Variants in NOL4 observed in about 807,000 individuals in gnomAD.
NOL4 encodes the protein cancer/testis antigen 125.
A neutral mutation model predicts 75.9 loss-of-function variants in NOL4; 17 were observed. That is an observed-to-expected ratio of 0.22 (90% CI 0.15 to 0.34). NOL4 has a LOEUF of 0.34. NOL4 is among the 10% of genes least tolerant of loss of function. The pLI, the probability that NOL4 is intolerant of heterozygous loss-of-function variation, is 1.00. For missense variants in NOL4, 614 were observed against 793.5 expected, an observed-to-expected ratio of 0.77 and a Z score of 2.72; for synonymous variants, 292 against 289.9, an observed-to-expected ratio of 1.01 and a Z score of -0.07.
chr18:34,070,390 C>T (rs1019904807), intron 5 of NOL4, among the ~76,000 whole-genome samples: 6 of 152,192 alleles, frequency 3.9e-5, no homozygotes, highest in African/African-American at 1.2e-4. Context: ...CAAATGAAAA[C>T]GTGATGGTGG....
At chr18:34,049,535 A>C (rs1421273976) in intron 5 of NOL4, among the ~76,000 whole-genome samples, 1 of 152,108 alleles carries the variant, frequency 6.6e-6, no homozygotes, top group East Asian at 1.9e-4. Context: ...TTGGAAGGAA[A>C]GATACAGGGC....
At chr18:33,861,267 A>C (rs2063110726) in intron 10 of NOL4, among the ~76,000 whole-genome samples, 1 of 151,642 alleles carries the variant, frequency 6.6e-6, no homozygotes, top group South Asian at 2.1e-4. Flanking sequence ...CTGGTCCTGG[A>C]CTCTTTTTGG....
intron 5 of NOL4, among the ~76,000 whole-genome samples, chr18:34,031,603 A>G (rs957937123): frequency 6.6e-6 from 1 of 152,202 alleles, no homozygotes; most frequent in African/African-American, 2.4e-5. Context: ...AGAAGAAACA[A>G]AATAGTGAGT....
intron 9 of NOL4, among the ~76,000 whole-genome samples, chr18:33,927,991 T>C (rs1378515336): frequency 6.6e-6 from 1 of 152,162 alleles, no homozygotes; most frequent in Non-Finnish European, 1.5e-5. Context: ...AATACACATA[T>C]ATTGTTGTTT....
intron 6 of NOL4, among the ~76,000 whole-genome samples, chr18:33,996,512 GA>G (rs984561568): frequency 6.6e-6 from 1 of 151,724 alleles, no homozygotes; most frequent in Non-Finnish European, 1.5e-5. Flanking sequence ...AAGTATGAAT[GA>G]ATCCATCACC....
At chr18:34,099,990 C>A (rs1293920382) in intron 4 of NOL4, among the ~76,000 whole-genome samples, 1 of 151,688 alleles carries the variant, frequency 6.6e-6, no homozygotes, top group African/African-American at 2.4e-5. Flanking sequence ...CTTCTCACAT[C>A]CTCTCCTCTT....
At chr18:33,962,599 A>G (rs2070239344) in intron 6 of NOL4, among the ~76,000 whole-genome samples, 2 of 152,206 alleles carry the variant, frequency 1.3e-5, no homozygotes, top group Admixed American at 6.6e-5. Context: ...GATCTCTGAC[A>G]TTAACAGTAA....
intron 1 of NOL4, among the ~76,000 whole-genome samples, chr18:34,216,516 T>C (rs2036898990): frequency 6.6e-6 from 1 of 151,698 alleles, no homozygotes; most frequent in African/African-American, 2.4e-5. Context: ...ACAAAACAGA[T>C]AATAAACATT....
intron 2 of NOL4, among the ~76,000 whole-genome samples, chr18:34,107,490 A>G (rs186360880): frequency 6.6e-6 from 1 of 152,064 alleles, no homozygotes; most frequent in Non-Finnish European, 1.5e-5. Flanking sequence ...TGGTGTTTAG[A>G]ATTCATGTTA....
intron 9 of NOL4, among the ~76,000 whole-genome samples, chr18:33,921,892 C>T (rs993118988): frequency 4.6e-5 from 7 of 152,154 alleles, no homozygotes; most frequent in African/African-American, 1.7e-4. Flanking sequence ...TCCTCCTACC[C>T]TACTCTTGTT....
At chr18:33,945,111 A>C (rs953736233) in intron 8 of NOL4, among the ~76,000 whole-genome samples, 2 of 151,942 alleles carry the variant, frequency 1.3e-5, no homozygotes, top group African/African-American at 4.8e-5. Flanking sequence ...TTATATCTTT[A>C]TAAAGTACAT....
At chr18:33,867,293 T>C (rs559206540) in intron 10 of NOL4, among the ~76,000 whole-genome samples, 1 of 152,260 alleles carries the variant, frequency 6.6e-6, no homozygotes, top group Admixed American at 6.6e-5. Context: ...AGATTAAACT[T>C]GTGTTCAAGT....
At chr18:33,890,519 A>G (rs538922317) in intron 9 of NOL4, among the ~76,000 whole-genome samples, 2 of 152,118 alleles carry the variant, frequency 1.3e-5, no homozygotes, top group Non-Finnish European at 2.9e-5. Flanking sequence ...AATTGGAAAA[A>G]ACTTTAAAAT....
At chr18:34,155,319 T>C (rs184871634) in intron 1 of NOL4, among the ~76,000 whole-genome samples, 138 of 151,848 alleles carry the variant, frequency 9.1e-4, no homozygotes, top group African/African-American at 3.1e-3. Context: ...GATAACTGAG[T>C]TGGAAAATTA....
chr18:33,929,558 G>A (rs116846781), intron 9 of NOL4, among the ~76,000 whole-genome samples: 2,571 of 152,258 alleles, frequency 0.017, 31 homozygotes, highest in Middle Eastern at 0.041. Flanking sequence ...TTCATCTGCA[G>A]TATACAAACA....
At chr18:34,209,610 T>A (rs1350230262) in intron 1 of NOL4, among the ~76,000 whole-genome samples, 2 of 152,136 alleles carry the variant, frequency 1.3e-5, no homozygotes, top group Admixed American at 6.5e-5. Flanking sequence ...GAGGTCTCAT[T>A]TGTGTATATA....
At chr18:34,019,876 G>T (rs2074938595) in intron 5 of NOL4, among the ~76,000 whole-genome samples, 1 of 151,696 alleles carries the variant, frequency 6.6e-6, no homozygotes, top group African/African-American at 2.4e-5. Flanking sequence ...GGTCATGAGG[G>T]TGGATTTTTC....
chr18:34,116,741 G>A (rs1174595008), intron 2 of NOL4, among the ~76,000 whole-genome samples: 2 of 152,056 alleles, frequency 1.3e-5, no homozygotes, highest in Non-Finnish European at 2.9e-5. Context: ...TTTTCAGACT[G>A]TGTATCATAA....
intron 2 of NOL4, among the ~76,000 whole-genome samples, chr18:34,123,052 T>C (rs1568368563): frequency 6.6e-6 from 1 of 151,648 alleles, no homozygotes; most frequent in African/African-American, 2.4e-5. Context: ...TAATTTAATA[T>C]AAAAATTATT....
Sources: gnomAD v4.1 joint callset for allele counts (sites outside exome capture counted in the v4.1 genomes callset) on GRCh38, gnomAD v4.1.1 for gene constraint, MANE v1.5 for transcripts, NCBI Gene and HGNC (gene_info 2026-07-23, HGNC 2026-07-21) for gene names.